DCAF8: variants seen among roughly 807,000 people sequenced by gnomAD.
The protein encoded by DCAF8 is DDB1 and CUL4 associated factor 8.
A neutral mutation model predicts 68.0 loss-of-function variants in DCAF8; 20 were observed. That is an observed-to-expected ratio of 0.29 (90% CI 0.21 to 0.43). The LOEUF (loss-of-function observed/expected upper bound fraction) is 0.43. DCAF8 is among the 20% of genes least tolerant of loss of function. The probability of loss-of-function intolerance (pLI) is 1.00; values close to 1 mark genes in which losing one functional copy is unlikely to be tolerated. For synonymous variants in DCAF8, 230 were observed against 276.9 expected, an observed-to-expected ratio of 0.83 and a Z score of 1.68; for missense variants, 460 against 771.0, an observed-to-expected ratio of 0.60 and a Z score of 4.78.
chr1:160,242,944 C>T (rs1256838753), intron 3 of DCAF8, among the ~76,000 whole-genome samples: 1 of 152,184 alleles, frequency 6.6e-6, no homozygotes, highest in Non-Finnish European at 1.5e-5. Flanking sequence ...ATATGAACCA[C>T]TTTCCTTTAC....
chr1:160,238,495 G>A, intron 5 of DCAF8, 112 bp downstream of exon 5: 3 of 1,198,586 alleles, frequency 2.5e-6, no homozygotes, highest in South Asian at 1.7e-5. Flanking sequence ...TGAAAGAGGT[G>A]AGGCACATGA....
chr1:160,230,526 AT>A (rs1337051961), intron 7 of DCAF8, among the ~76,000 whole-genome samples: 1 of 152,194 alleles, frequency 6.6e-6, no homozygotes, highest in African/African-American at 2.4e-5. Context: ...ATCACTATGG[AT>A]AAAAAAAAGT....
chr1:160,222,329 C>G (rs567552585), intron 11 of DCAF8, among the ~76,000 whole-genome samples: 1 of 152,150 alleles, frequency 6.6e-6, no homozygotes, highest in African/African-American at 2.4e-5. Flanking sequence ...TAGGAGGGTA[C>G]GCCCTGAACA....
intron 2 of DCAF8, among the ~76,000 whole-genome samples, chr1:160,248,164 G>A (rs940841469): frequency 6.6e-6 from 1 of 151,936 alleles, no homozygotes; most frequent in African/African-American, 2.4e-5. Flanking sequence ...AAAATTAGCC[G>A]GGCGTGGTGG....
intron 6 of DCAF8, among the ~76,000 whole-genome samples, chr1:160,235,872 A>AG (rs1655857521): frequency 1.3e-5 from 2 of 151,810 alleles, no homozygotes; most frequent in African/African-American, 4.8e-5. Context: ...CTGAGTAGCT[A>AG]GGGTTACAGG....
At chr1:160,227,873 GCC>G (rs56303618) in intron 7 of DCAF8, among the ~76,000 whole-genome samples, 14,377 of 151,978 alleles carry the variant, frequency 0.095, 1,483 homozygotes, top group East Asian at 0.52. Flanking sequence ...CATATGATAG[GCC>G]CTTGATAGTT....
In DCAF8 at chr1:160,262,448, C is replaced by T. The variant is rs1227983411; in HGVS notation, c.-101+1G>A. 2.5e-6 allele frequency: 1 copy of T among 401,376 alleles called. No homozygotes were observed. Among genetic ancestry groups the T allele is most frequent in the Non-Finnish European group, 4.4e-6 (1 of 227,912 alleles). 24.9% of individuals were successfully genotyped at this position (401,376 alleles called of 1,614,324 possible). A position where few individuals can be genotyped will look rare whatever the true frequency, so the allele number is the denominator to read the frequency against. Reference sequence around the variant, plus strand: ...CACCACCAACGCCGCCGCCATCTTACACTGGCCAGCGGCCGCCACCACCAC... The same window carrying T: ...CACCACCAACGCCGCCGCCATCTTATACTGGCCAGCGGCCGCCACCACCAC... On this transcript the variant is annotated splice_donor_variant, in intron 1 of 13. Coordinates refer to ENST00000368074, the MANE Select transcript of DCAF8 (RefSeq NM_015726.4). LOFTEE classifies it low-confidence loss of function (5UTR_SPLICE).
chr1:160,231,307 G>T lies in DCAF8; in HGVS notation c.1060C>A (p.Gln354Lys). Residue 354 changes from glutamine (Q) to lysine (K), a missense_variant, in exon 7 of 14, where the codon CAG becomes AAG. Gln to Lys is a moderately conservative substitution (Grantham distance 53). Coordinates refer to ENST00000368074, the MANE Select transcript of DCAF8 (RefSeq NM_015726.4). ...GAGCCACAAACTCACCTTACAAACTGATCTCGTCCACCCACTGCAAACTGG... is the reference window on the plus strand; with the variant it reads ...GAGCCACAAACTCACCTTACAAACTTATCTCGTCCACCCACTGCAAACTGG... ...THQFAVGGRD[Q>K]FVRIYDQRKI... is the part of the protein sequence containing the mutation. The T allele has an allele frequency of 6.2e-7, 1 of 1,613,068 alleles. No individual in the cohort carries two copies. The highest frequency in any genetic ancestry group is 1.1e-5 in the South Asian group (1 of 91,040).
intron 6 of DCAF8, among the ~76,000 whole-genome samples, chr1:160,236,703 T>C (rs767510408): frequency 1.3e-5 from 2 of 152,208 alleles, no homozygotes; most frequent in Non-Finnish European, 2.9e-5. Context: ...TGAACTGTGA[T>C]AAAACAGAAC....
At chr1:160,240,892 C>T (rs1179179298) in intron 3 of DCAF8, among the ~76,000 whole-genome samples, 8 of 152,148 alleles carry the variant, frequency 5.3e-5, no homozygotes, top group African/African-American at 1.9e-4. Context: ...AGGCCAGGCA[C>T]GGTGGCTCAC....
At position 160,217,533 on chromosome 1, in the gene DCAF8, G is replaced by A. The variant is rs76573195; in HGVS notation, c.*59C>T. The A allele has an allele frequency of 6.2e-6, 8 of 1,292,986 alleles. No homozygotes were observed. The African/African-American group carries it at 1.0e-4, about 17-fold the overall frequency. 80.1% of individuals were successfully genotyped at this position (1,292,986 alleles called of 1,614,324 possible). On this transcript the variant is annotated 3_prime_UTR_variant, in exon 14 of 14. Transcript: ENST00000368074. ...TGAATGTAGGGCCTGGGACAGGAAA[G>A]GGTTGCCCAGGCAGGATCAGGTTGG...
At chr1:160,219,088 G>C in intron 11 of DCAF8, 120 bp from the exon 12 acceptor site, 1 of 1,426,024 alleles carries the variant, frequency 7.0e-7, no homozygotes, top group Non-Finnish European at 9.5e-7. Flanking sequence ...TGCTGGGGAA[G>C]GGAGGCCCAC....
chr1:160,232,371 G>A (rs955358665), intron 6 of DCAF8, among the ~76,000 whole-genome samples: 5 of 152,030 alleles, frequency 3.3e-5, no homozygotes, highest in Admixed American at 2.0e-4. Context: ...AGCCGGGTGC[G>A]GTGGCTCACG....
intron 7 of DCAF8, among the ~76,000 whole-genome samples, chr1:160,227,105 T>A (rs569786630): frequency 1.3e-5 from 2 of 152,156 alleles, no homozygotes; most frequent in Non-Finnish European, 2.9e-5. Flanking sequence ...TCACATAATA[T>A]TTGTACTTCA....
In DCAF8 at chr1:160,218,369, C is replaced by T; in HGVS notation, c.1632G>A (p.Met544Ile). Reference sequence around the variant, plus strand: ...TCAGGTGATGCATAAGGAACCACAGCATGTGACTATCAAACAGGTCAGTTT... The same window carrying T: ...TCAGGTGATGCATAAGGAACCACAGTATGTGACTATCAAACAGGTCAGTTT... ...LHQTDLFDSH[M>I]LWFLMHHLRQ... Residue 544 changes from methionine to isoleucine, a missense_variant, in exon 13 of 14, where the codon ATG becomes ATA. Met to Ile is a conservative substitution (Grantham distance 10). Around this residue, in one of 8 missense-constraint regions of DCAF8, gnomAD observed 80 missense variants for 115.1 expected, o/e 0.70. Transcript: ENST00000368074. The T allele has an allele frequency of 1.2e-6, 2 of 1,614,160 alleles. No homozygotes were observed. Among genetic ancestry groups the T allele is most frequent in the Non-Finnish European group, 1.7e-6 (2 of 1,180,004 alleles).
chr1:160,236,438 G>C (rs1197960701), intron 6 of DCAF8, among the ~76,000 whole-genome samples: 1 of 151,926 alleles, frequency 6.6e-6, no homozygotes, highest in Non-Finnish European at 1.5e-5. Context: ...GTGTATGTGT[G>C]TGTGTGTGTA....
At chr1:160,218,769 G>C in intron 12 of DCAF8, 80 bp downstream of exon 12, 1 of 1,580,458 alleles carries the variant, frequency 6.3e-7, no homozygotes, top group Non-Finnish European at 8.6e-7. Context: ...TGGGCAGCAA[G>C]TTATTCCTCC....
intron 3 of DCAF8, among the ~76,000 whole-genome samples, chr1:160,242,563 A>G (rs1050105614): frequency 3.3e-5 from 5 of 152,178 alleles, no homozygotes; most frequent in African/African-American, 7.2e-5. Flanking sequence ...CCACATTAAC[A>G]TAAGGGCCAG....
chr1:160,251,154 A>G (rs1182001337), intron 2 of DCAF8, among the ~76,000 whole-genome samples: 2 of 152,214 alleles, frequency 1.3e-5, no homozygotes, highest in African/African-American at 4.8e-5. Context: ...GAAGAAGGTG[A>G]TAAGAAAATA....
Sources: allele counts gnomAD v4.1 joint callset (sites outside exome capture counted in the v4.1 genomes callset), GRCh38; gene constraint gnomAD v4.1.1; regional missense constraint gnomAD v4.1.1; transcripts MANE v1.5; gene names NCBI Gene and HGNC (gene_info 2026-07-23, HGNC 2026-07-21).